Variants in CDKL5 observed in about 807,000 individuals in gnomAD.
CDKL5 encodes cyclin-dependent kinase-like 5.
Under a neutral mutation model 61.7 loss-of-function variants are expected in CDKL5, and 8 were observed. The ratio of observed to expected loss-of-function variants is 0.13; its 90% CI spans 0.08 to 0.23. CDKL5 has a LOEUF of 0.23. CDKL5 is among the 10% of genes least tolerant of loss of function. The pLI is 1.00. For missense variants in CDKL5, 440 were observed against 734.5 expected, an observed-to-expected ratio of 0.60 and a Z score of 4.63; for synonymous variants, 275 against 272.3, an observed-to-expected ratio of 1.01 and a Z score of -0.10.
intron 5 of CDKL5, among the ~76,000 whole-genome samples, chrX:18,575,941 G>A (rs1055596969): frequency 1.8e-5 from 2 of 111,623 alleles, no homozygotes; most frequent in East Asian, 5.6e-4. Flanking sequence ...TTTGAGGGAA[G>A]GAGCTGTGCC....
At chrX:18,494,788 TAATC>T (rs1490378608) in intron 1 of CDKL5, among the ~76,000 whole-genome samples, 1 of 112,562 alleles carries the variant, frequency 8.9e-6, no homozygotes, top group East Asian at 2.8e-4. Flanking sequence ...TAACTCATGA[TAATC>T]AAATATCTGT....
intron 3 of CDKL5, among the ~76,000 whole-genome samples, chrX:18,557,181 C>T (rs967258158): frequency 1.8e-5 from 2 of 111,183 alleles, no homozygotes; most frequent in Non-Finnish European, 3.8e-5. Context: ...GGTTCCACAT[C>T]GATGAATTCA....
At chrX:18,528,573 C>T (rs913647543) in intron 3 of CDKL5, among the ~76,000 whole-genome samples, 2 of 109,428 alleles carry the variant, frequency 1.8e-5, no homozygotes, top group Non-Finnish European at 3.8e-5. Context: ...TATCCTATCC[C>T]TTCCCTCCCT....
chrX:18,634,664 C>A lies in CDKL5; in HGVS notation c.*5907C>A, dbSNP rs1443075888. ...CCTTGTTTACTCTTTGGTCACCGAT[C>A]GAGTCAGGCTAGAGGGGTAATACGG... On this transcript the variant is annotated 3_prime_UTR_variant, in exon 18 of 18. Transcript: ENST00000623535. 1.3e-6 allele frequency: 1 copy of A among 751,290 alleles called. No individual in the cohort carries two copies. The highest frequency in any genetic ancestry group is 2.3e-5 in the African/African-American group (1 of 42,873). 61.9% of individuals were successfully genotyped at this position (751,290 alleles called of 1,213,427 possible).
At chrX:18,460,317 A>G (rs769935049) in intron 1 of CDKL5, among the ~76,000 whole-genome samples, 22 of 110,501 alleles carry the variant, frequency 2.0e-4, no homozygotes, top group Middle Eastern at 4.6e-3. Flanking sequence ...AGGTCTTTTG[A>G]GAACTCAGTA....
intron 1 of CDKL5, among the ~76,000 whole-genome samples, chrX:18,506,236 C>G (rs1425461261): frequency 5.4e-5 from 6 of 111,495 alleles, no homozygotes; most frequent in African/African-American, 2.0e-4. Context: ...CCTTCTCCTG[C>G]CCCACCCTTG....
At chrX:18,446,408 A>C (rs369232082) in intron 1 of CDKL5, among the ~76,000 whole-genome samples, 58 of 111,352 alleles carry the variant, frequency 5.2e-4, no homozygotes, top group African/African-American at 1.7e-3. Context: ...GTAACCACAG[A>C]CAACCCCCAC....
chrX:18,650,443 C>T, exon 21 of CDKL5: 6 of 1,211,903 alleles, frequency 5.0e-6, no homozygotes, highest in Non-Finnish European at 6.7e-6. Context: ...CCAAAGAAGC[C>T]TCACACTCCG....
intron 9 of CDKL5, among the ~76,000 whole-genome samples, chrX:18,591,655 C>T (rs1244329347): frequency 1.8e-5 from 2 of 111,738 alleles, no homozygotes; most frequent in African/African-American, 3.3e-5. Flanking sequence ...TCTGCCTCCC[C>T]GCTAGCCCAG....
At chrX:18,531,416 T>C (rs781664803) in intron 3 of CDKL5, among the ~76,000 whole-genome samples, 11 of 112,414 alleles carry the variant, frequency 9.8e-5, no homozygotes, top group Non-Finnish European at 1.7e-4. Context: ...TGAGATTTCC[T>C]GGAGGTAAAA....
At chrX:18,615,025 C>T (rs1258199473) in intron 15 of CDKL5, among the ~76,000 whole-genome samples, 5 of 112,113 alleles carry the variant, frequency 4.5e-5, no homozygotes, top group African/African-American at 3.2e-5. Context: ...ACTTGTTTTA[C>T]GCGTGGATAT....
chrX:18,632,480 GTCTT>G lies in CDKL5; in HGVS notation c.*3725_*3728del. On this transcript the variant is annotated 3_prime_UTR_variant, in exon 18 of 18. Transcript: ENST00000623535. ...TCAGCTGTGTCTCCCGAAAGAAAAT[GTCTT>G]TGTTTTTTATTCAAGTCATTTAATA... is the stretch of plus-strand genomic sequence containing the variant. 2 of 754,405 alleles carry G rather than the reference GTCTT, an allele frequency of 2.7e-6. No individual in the cohort carries two copies. Among genetic ancestry groups the G allele is most frequent in the Non-Finnish European group, 3.1e-6 (2 of 639,358 alleles). The allele number at this position is 754,405 out of a possible 1,213,427, so 62.2% of individuals were successfully genotyped here.
chrX:18,469,338 C>CAA lies in CDKL5; in HGVS notation c.-162-37571_-162-37570dup, dbSNP rs34096001. Among the ~76,000 whole-genome samples the CAA allele has an allele frequency of 2.0e-3, 31 of 15,662 alleles. 1 individual carries two copies. The highest frequency in any genetic ancestry group is 1.9e-3 in the African/African-American group (7 of 3,635). 13.6% of individuals were successfully genotyped at this position (15,662 alleles called of 115,157 possible). ...TGGGCGACAGAGTGAGACTCTGTCT[C>CAA]AAAAAAAAAAAAAAAAAAAAAAAAA... On this transcript the variant is annotated intron_variant, in intron 1 of 17. Coordinates refer to ENST00000623535, the MANE Select transcript of CDKL5 (RefSeq NM_001323289.2).
chrX:18,598,318 T>C, intron 10 of CDKL5, 144 bp from the exon 11 acceptor site: 1 of 454,663 alleles, frequency 2.2e-6, no homozygotes, highest in South Asian at 3.6e-5. Flanking sequence ...TAGATAGTCT[T>C]TTTTTTTTTA....
At position 18,651,264 on chromosome X, in the gene CDKL5, T is replaced by TGTGA. The variant is rs1491242962; in HGVS notation, c.2980+673_2980+674insTGAG. ...GTGTGTGTGTGTGTGTGTGTGTGTG[T>TGTGA]GAGAGAGAGAGAGAGAGAGAGAGAC... On this transcript the variant is annotated intron_variant, in intron 21 of 21. Transcript: ENST00000379989. Among the ~76,000 whole-genome samples the TGTGA allele has an allele frequency of 5.2e-3, 356 of 68,983 alleles. 2 individuals are homozygous for TGTGA. The highest frequency in any genetic ancestry group is 0.02 in the African/African-American group (321 of 15,961). 59.9% of individuals were successfully genotyped at this position (68,983 alleles called of 115,157 possible). A position where few individuals can be genotyped will look rare whatever the true frequency, so the allele number is the denominator to read the frequency against.
chrX:18,486,167 G>A (rs1252140957), intron 1 of CDKL5, among the ~76,000 whole-genome samples: 1 of 110,400 alleles, frequency 9.1e-6, no homozygotes, highest in Admixed American at 9.7e-5. Flanking sequence ...CATTTTTTTT[G>A]CCTATATTTT....
At chrX:18,577,451 C>G (rs1005530637) in intron 5 of CDKL5, among the ~76,000 whole-genome samples, 6 of 112,131 alleles carry the variant, frequency 5.4e-5, no homozygotes, top group African/African-American at 1.6e-4. Flanking sequence ...AGAAAGTTCT[C>G]TAAGGGATAA....
intron 1 of CDKL5, among the ~76,000 whole-genome samples, chrX:18,464,767 C>A (rs1044575149): frequency 1.8e-5 from 2 of 111,436 alleles, no homozygotes; most frequent in Non-Finnish European, 3.8e-5. Context: ...CAGGTTCAGG[C>A]AATAACAAAG....
chrX:18,569,621 C>G (rs769871610), intron 4 of CDKL5, among the ~76,000 whole-genome samples: 93 of 112,060 alleles, frequency 8.3e-4, no homozygotes, highest in African/African-American at 2.8e-3. Context: ...AACCCAAGAG[C>G]GCTGATTTAG....
Sources: gnomAD v4.1 joint callset for allele counts (sites outside exome capture counted in the v4.1 genomes callset) on GRCh38, gnomAD v4.1.1 for gene constraint, MANE v1.5 for transcripts, NCBI Gene and HGNC (gene_info 2026-07-23, HGNC 2026-07-21) for gene names.